DNTTIP2: variants seen among roughly 807,000 people sequenced by gnomAD.
DNTTIP2 encodes deoxynucleotidyltransferase terminal interacting protein 2.
A neutral mutation model predicts 62.4 loss-of-function variants in DNTTIP2; 47 were observed. The observed-to-expected ratio is 0.75, with a 90% CI of 0.60 to 0.96. The LOEUF (loss-of-function observed/expected upper bound fraction) is 0.96, where lower values mean the gene tolerates loss of function less well. Among genes scored for constraint, DNTTIP2 ranks in the 40% least tolerant of loss-of-function variants. The pLI, the probability that DNTTIP2 is intolerant of heterozygous loss-of-function variation, is 0.00. For missense variants in DNTTIP2, 870 were observed against 849.1 expected (o/e 1.02, Z -0.31); for synonymous variants, 322 against 300.9 (o/e 1.07, Z -0.73).
Position 93,879,158 on chromosome 1 carries a change from T to C in DNTTIP2, c.-10A>G. ...ATCTGGTAACCACCATCTTTCCGGC[T>C]CCCTCGCGACCACCACGACTTCCCT... On this transcript the variant is annotated 5_prime_UTR_variant, in exon 1 of 7. Transcript: ENST00000436063. 6.2e-7 allele frequency: 1 copy of C among 1,611,276 alleles called. No homozygotes were observed. The highest frequency in any genetic ancestry group is 1.1e-5 in the South Asian group (1 of 91,002).
chr1:93,871,734 G>A (rs749164269), intron 5 of DNTTIP2, among the ~76,000 whole-genome samples: 27 of 152,172 alleles, frequency 1.8e-4, no homozygotes, highest in Non-Finnish European at 3.7e-4. Context: ...AACCAACTTG[G>A]ATTAGTACAC....
chr1:93,875,976 A>AT (rs1235176496), intron 2 of DNTTIP2, among the ~76,000 whole-genome samples, 193 bp from the exon 3 acceptor site: 3 of 150,560 alleles, frequency 2.0e-5, no homozygotes, highest in Admixed American at 6.6e-5. Context: ...ATTTTATTTT[A>AT]TTTTTTGAGA....
At chr1:93,870,034 G>A (rs1655817601) in intron 6 of DNTTIP2, 90 bp from the exon 7 acceptor site, 1 of 672,490 alleles carries the variant, frequency 1.5e-6, no homozygotes, top group Non-Finnish European at 2.7e-6. Flanking sequence ...ATGGAGTGGT[G>A]GACAAGACAA....
Position 93,877,286 on chromosome 1 carries a change from T to G in DNTTIP2, c.649A>C (p.Lys217Gln). ...QRKLKAQTEK[K>Q]DSKIVPGNEK... ...TTTCCTGGTACAATCTTACTATCTT[T>G]CTTTTCAGTTTGTGCCTTTAATTTC... is the stretch of plus-strand genomic sequence containing the variant. The change falls in exon 2 of 7, where the codon AAA becomes CAA. Residue 217 changes from lysine to glutamine, a missense_variant. By Grantham distance (53) the Lys-to-Gln change is moderately conservative. Transcript: ENST00000436063. 6.2e-7 allele frequency: 1 copy of G among 1,613,676 alleles called. No homozygotes were observed. The highest frequency in any genetic ancestry group is 8.5e-7 in the Non-Finnish European group (1 of 1,179,736).
Position 93,876,951 on chromosome 1 carries a change from GT to G in DNTTIP2, c.983del (p.Asp328AlafsTer7). On this transcript the variant is annotated frameshift_variant, in exon 2 of 7. Transcript: ENST00000436063. LOFTEE classifies it high-confidence loss of function. ...SQLKNLSELQDTSLQQLVSQR... is the reference protein window; with the variant it reads ...SQLKNLSELQXTSLQQLVSQR... ...GAGAAACTAACTGTTGAAGGCTAGT[GT>G]CCTGAAGTTCAGAAAGATTCTTCAG... 6.2e-7 allele frequency: 1 copy of G among 1,613,438 alleles called. No individual in the cohort carries two copies. Among genetic ancestry groups the G allele is most frequent in the East Asian group, 2.2e-5 (1 of 44,868 alleles).
Position 93,875,714 on chromosome 1 carries a change from A to G in DNTTIP2, c.1737T>C (p.Asn579=), listed in dbSNP as rs1334134558. Residue 579 remains asparagine, a synonymous_variant, in exon 3 of 7, where the codon AAT becomes AAC. Coordinates refer to ENST00000436063, the MANE Select transcript of DNTTIP2 (RefSeq NM_014597.5). ...SIKQLGGLYI[N]FNADKLQSNK... The stretch of plus-strand genomic sequence containing the variant: ...TAGACTGTAGTTTATCTGCATTAAA[A>G]TTAATATACAAACCACCCAACTGCT... The G allele has an allele frequency of 3.1e-6, 5 of 1,613,432 alleles. No homozygotes were observed. Among genetic ancestry groups the G allele is most frequent in the Non-Finnish European group, 4.2e-6 (5 of 1,179,742 alleles).
At chr1:93,875,863 T>G in intron 2 of DNTTIP2, 80 bp from the exon 3 acceptor site, 1 of 1,413,360 alleles carries the variant, frequency 7.1e-7, no homozygotes, top group Non-Finnish European at 9.5e-7. Flanking sequence ...AAAAAATCAC[T>G]TATTCTTCTC....
At chr1:93,878,898 T>C (rs1386535653) in intron 1 of DNTTIP2, 179 bp downstream of exon 1, 2 of 752,598 alleles carry the variant, frequency 2.7e-6, no homozygotes, top group African/African-American at 3.5e-5. Flanking sequence ...GAGACAGTGG[T>C]GAAGGCTAAA....
chr1:93,875,586 A>G (rs1424358093), intron 3 of DNTTIP2, 59 bp downstream of exon 3: 2 of 1,540,630 alleles, frequency 1.3e-6, no homozygotes, highest in Non-Finnish European at 1.7e-6. Context: ...TTTACCAAGG[A>G]CTAATTTCTA....
Position 93,876,265 on chromosome 1 carries a change from TAC to T in DNTTIP2, c.1667+1_1667+2del, listed in dbSNP as rs778715839. ...AACTTATAAAAATAAAGGAAAAACT[TAC>T]AGTTTAGCCTTTGTGCTATTTAGGA... On this transcript the variant is annotated splice_donor_variant, in intron 2 of 6. Transcript: ENST00000436063. LOFTEE classifies it high-confidence loss of function. 1.8e-5 allele frequency: 27 copies of T among 1,495,098 alleles called. No homozygotes were observed. The highest frequency in any genetic ancestry group is 2.9e-5 in the African/African-American group (2 of 70,110). The allele number at this position is 1,495,098 out of a possible 1,614,324, so 92.6% of individuals were successfully genotyped here. A position where few individuals can be genotyped will look rare whatever the true frequency, so the allele number is the denominator to read the frequency against.
intron 5 of DNTTIP2, 150 bp from the exon 6 acceptor site, chr1:93,870,942 C>CA (rs57384286): frequency 0.33 from 120,968 of 362,046 alleles, 11,045 homozygotes; most frequent in East Asian, 0.43. Context: ...TTATTTAAAG[C>CA]AAAAAAAAAA....
chr1:93,877,095 C>A lies in DNTTIP2; in HGVS notation c.840G>T (p.Val280=). The A allele has an allele frequency of 6.2e-7, 1 of 1,611,492 alleles. No individual in the cohort carries two copies. Among genetic ancestry groups the A allele is most frequent in the Non-Finnish European group, 8.5e-7 (1 of 1,179,788 alleles). ...SHRSSENILT[V]HEQANVESLK... is the part of the protein sequence containing the mutation. ...GAGATTCAACATTGGCCTGTTCGTG[C>A]ACTGTTAATATATTTTCTGAACTTC... is the stretch of plus-strand genomic sequence containing the variant. Residue 280 remains valine, a synonymous_variant, in exon 2 of 7, where the codon GTG becomes GTT. Transcript: ENST00000436063.
At chr1:93,874,725 C>T (rs1388313932) in intron 3 of DNTTIP2, among the ~76,000 whole-genome samples, 1 of 152,138 alleles carries the variant, frequency 6.6e-6, no homozygotes, top group African/African-American at 2.4e-5. Context: ...AACTCCTGGG[C>T]TTAAACAATT....
intron 5 of DNTTIP2, among the ~76,000 whole-genome samples, 160 bp downstream of exon 5, chr1:93,871,912 G>A (rs1296389722): frequency 1.5e-4 from 23 of 152,128 alleles, no homozygotes; most frequent in Non-Finnish European, 1.5e-5. Flanking sequence ...TGGCTGAATT[G>A]GGTAATGGCC....
intron 1 of DNTTIP2, chr1:93,878,662 A>C (rs1438984588): frequency 6.2e-6 from 1 of 160,082 alleles, no homozygotes; most frequent in Admixed American, 6.3e-5. Flanking sequence ...AGCCCTCCTC[A>C]CGCCTTAAGG....
intron 5 of DNTTIP2, 104 bp downstream of exon 5, chr1:93,871,968 A>G (rs1183714445): frequency 7.7e-7 from 1 of 1,295,328 alleles, no homozygotes; most frequent in African/African-American, 1.5e-5. Context: ...TTAGGCATGC[A>G]CAATGGAAAT....
chr1:93,875,841 A>C, intron 2 of DNTTIP2, 58 bp from the exon 3 acceptor site: 1 of 1,517,758 alleles, frequency 6.6e-7, no homozygotes, highest in Non-Finnish European at 8.8e-7. Context: ...GAAACATATA[A>C]GATGGCATTT....
At chr1:93,873,622 CA>C (rs34279982) in intron 3 of DNTTIP2, among the ~76,000 whole-genome samples, 54,463 of 134,026 alleles carry the variant, frequency 0.41, 10,650 homozygotes, top group East Asian at 0.63. Flanking sequence ...AGCTCCCTCC[CA>C]AAAAAAAAAA....
In DNTTIP2 at chr1:93,869,692, T is replaced by A; in HGVS notation, c.*159A>T. On this transcript the variant is annotated 3_prime_UTR_variant, in exon 7 of 7. Transcript: ENST00000436063. The stretch of plus-strand genomic sequence containing the variant: ...TAGACACCCCTATTTTCTAAGGGCA[T>A]GTAATCGATTCTCAAATCAACTTTT... 1.7e-6 allele frequency: 1 copy of A among 586,912 alleles called. No individual in the cohort carries two copies. The highest frequency in any genetic ancestry group is 3.1e-6 in the Non-Finnish European group (1 of 320,600). 36.4% of individuals were successfully genotyped at this position (586,912 alleles called of 1,614,324 possible).
Sources: gnomAD v4.1 joint callset for allele counts (sites outside exome capture counted in the v4.1 genomes callset) on GRCh38, gnomAD v4.1.1 for gene constraint, MANE v1.5 for transcripts, NCBI Gene and HGNC (gene_info 2026-07-23, HGNC 2026-07-21) for gene names.